Variants in COL11A1 observed in about 807,000 individuals in gnomAD.
The protein encoded by COL11A1 is collagen type XI alpha 1 chain, also known as collagen alpha-1(XI) chain.
Under a neutral mutation model 265.2 loss-of-function variants are expected in COL11A1, and 74 were observed. That is an observed-to-expected ratio of 0.28 (90% CI 0.23 to 0.34). The LOEUF (loss-of-function observed/expected upper bound fraction) is 0.34. Ranked by LOEUF, COL11A1 falls within the 10% of genes least tolerant of loss-of-function variation. COL11A1 has a pLI of 1.00. For synonymous variants in COL11A1, 816 were observed against 727.6 expected, an observed-to-expected ratio of 1.12 and a Z score of -1.96; for missense variants, 2,165 against 2,263.6, an observed-to-expected ratio of 0.96 and a Z score of 0.88.
At chr1:102,916,870 A>G (rs941222548) in intron 49 of COL11A1, among the ~76,000 whole-genome samples, 1 of 151,974 alleles carries the variant, frequency 6.6e-6, no homozygotes, top group Non-Finnish European at 1.5e-5. Flanking sequence ...GGTATCATTC[A>G]TCTCAGTAGA....
chr1:102,938,221 A>T (rs1452678804), intron 44 of COL11A1, among the ~76,000 whole-genome samples: 1 of 152,078 alleles, frequency 6.6e-6, no homozygotes, highest in Admixed American at 6.6e-5. Context: ...CATCAGACTG[A>T]TGGATCACAA....
chr1:103,083,984 T>C (rs1672651216), intron 1 of COL11A1, among the ~76,000 whole-genome samples: 1 of 152,198 alleles, frequency 6.6e-6, no homozygotes, highest in African/African-American at 2.4e-5. Flanking sequence ...GACCCATTTG[T>C]ATAAACAGCT....
chr1:103,038,832 A>G (rs35648695), intron 4 of COL11A1, among the ~76,000 whole-genome samples: 12,301 of 152,250 alleles, frequency 0.081, 556 homozygotes, highest in Middle Eastern at 0.16. Flanking sequence ...TAGGAATGGA[A>G]TAGATGGAAC....
chr1:102,972,893 G>A (rs1662099869), intron 36 of COL11A1, among the ~76,000 whole-genome samples: 2 of 151,490 alleles, frequency 1.3e-5, no homozygotes. Flanking sequence ...TAAATGGATG[G>A]CTGCATATTC....
intron 42 of COL11A1, among the ~76,000 whole-genome samples, chr1:102,941,841 A>T (rs977188106): frequency 1.2e-4 from 19 of 152,292 alleles, no homozygotes; most frequent in African/African-American, 4.6e-4. Flanking sequence ...TTGCCCTATC[A>T]GATAATAAAC....
chr1:103,030,662 C>G (rs896158152), intron 5 of COL11A1, among the ~76,000 whole-genome samples: 3 of 151,460 alleles, frequency 2.0e-5, no homozygotes, highest in Non-Finnish European at 2.9e-5. Context: ...TTTTAAAAAC[C>G]CTCTAATTGT....
chr1:103,086,902 A>G (rs1672920946), intron 1 of COL11A1, among the ~76,000 whole-genome samples: 1 of 152,196 alleles, frequency 6.6e-6, no homozygotes, highest in South Asian at 2.1e-4. Context: ...AGTGAACTAA[A>G]TAATGAATTA....
At chr1:103,030,316 G>A (rs1667875703) in intron 5 of COL11A1, among the ~76,000 whole-genome samples, 1 of 151,950 alleles carries the variant, frequency 6.6e-6, no homozygotes, top group Non-Finnish European at 1.5e-5. Context: ...AAAAAGTAAA[G>A]TAGTGTCAAA....
chr1:102,922,652 G>T (rs1656121242), intron 47 of COL11A1, among the ~76,000 whole-genome samples: 1 of 152,158 alleles, frequency 6.6e-6, no homozygotes. Flanking sequence ...GCCCGCCTCG[G>T]CCTCCCAAAG....
At position 103,102,149 on chromosome 1, in the gene COL11A1, A is replaced by G. The variant is rs555122192; in HGVS notation, c.106+5924T>C. 2.0e-5 allele frequency among the ~76,000 whole-genome samples: 3 copies of G among 152,210 alleles called. No individual in the cohort carries two copies. The East Asian group carries it at 5.8e-4, about 29-fold the overall frequency. On this transcript the variant is annotated intron_variant, in intron 1 of 66. Coordinates refer to ENST00000370096, the MANE Select transcript of COL11A1 (RefSeq NM_001854.4). ...AACATATAAAAGAATACACTTACCTATATCAATAAAACCATATTAGGGTTT... is the reference window on the plus strand; with the variant it reads ...AACATATAAAAGAATACACTTACCTGTATCAATAAAACCATATTAGGGTTT...
intron 24 of COL11A1, 71 bp downstream of exon 24, chr1:103,001,854 C>A: frequency 7.2e-7 from 1 of 1,381,560 alleles, no homozygotes; most frequent in Non-Finnish European, 1.0e-6. Context: ...AGAAGGCAGA[C>A]CTTATACCTG....
intron 57 of COL11A1, among the ~76,000 whole-genome samples, chr1:102,896,881 T>C (rs1043149283): frequency 1.3e-5 from 2 of 152,276 alleles, no homozygotes; most frequent in South Asian, 4.1e-4. Flanking sequence ...TATTTTTTCC[T>C]TCCAGGCTCT....
In COL11A1 at chr1:102,876,654, C is replaced by T. The variant is rs1419118136; in HGVS notation, c.*1365G>A. 1 of 152,388 alleles carries T rather than the reference C, an allele frequency of 6.6e-6. No homozygotes were observed. The highest frequency in any genetic ancestry group is 1.5e-5 in the Non-Finnish European group (1 of 67,884). The allele number at this position is 152,388 out of a possible 1,614,324, so 9.4% of individuals were successfully genotyped here. On this transcript the variant is annotated 3_prime_UTR_variant, in exon 67 of 67. Transcript: ENST00000370096. ...AAACTGTTCCAGTGAAATCTGGTAT[C>T]AATTAATTTAACACTTTATATAAGA... is the stretch of plus-strand genomic sequence containing the variant.
chr1:102,970,484 T>A (rs1042730635), intron 36 of COL11A1, among the ~76,000 whole-genome samples: 3 of 152,212 alleles, frequency 2.0e-5, no homozygotes, highest in Admixed American at 2.0e-4. Flanking sequence ...ATAGTTGAAC[T>A]CTTTTCTGAA....
intron 39 of COL11A1, 150 bp from the exon 40 acceptor site, chr1:102,962,415 T>A (rs1034981944): frequency 1.3e-6 from 1 of 754,648 alleles, no homozygotes; most frequent in Non-Finnish European, 2.3e-6. Context: ...TGCATTAAAA[T>A]GAACTACCCA....
intron 63 of COL11A1, among the ~76,000 whole-genome samples, chr1:102,883,808 TAA>T (rs11322087): frequency 2.7e-5 from 4 of 145,496 alleles, no homozygotes; most frequent in East Asian, 2.0e-4. Context: ...CCTTATTTTA[TAA>T]AAAAAAAAAA....
At chr1:103,006,647 C>T (rs897507348) in intron 15 of COL11A1, among the ~76,000 whole-genome samples, 1 of 143,834 alleles carries the variant, frequency 7.0e-6, no homozygotes, top group African/African-American at 2.5e-5. Context: ...ACACCATTCT[C>T]CTGCCTCAGC....
At chr1:103,068,377 G>T (rs1671314158) in intron 4 of COL11A1, among the ~76,000 whole-genome samples, 3 of 151,452 alleles carry the variant, frequency 2.0e-5, no homozygotes, top group Admixed American at 2.0e-4. Context: ...TGTAGAAAAA[G>T]CGTTTTATAA....
At chr1:102,990,689 A>C (rs1664043695) in intron 28 of COL11A1, among the ~76,000 whole-genome samples, 1 of 151,678 alleles carries the variant, frequency 6.6e-6, no homozygotes, top group African/African-American at 2.4e-5. Context: ...TTGAGCAATT[A>C]CTCATTCAAA....
Sources: allele counts gnomAD v4.1 joint callset (sites outside exome capture counted in the v4.1 genomes callset), GRCh38; gene constraint gnomAD v4.1.1; transcripts MANE v1.5; gene names NCBI Gene and HGNC (gene_info 2026-07-23, HGNC 2026-07-21).